The following CDC73 variants were observed in gnomAD, a reference collection of about 807,000 sequenced individuals.
CDC73 encodes cell division cycle 73.
A neutral mutation model predicts 83.7 loss-of-function variants in CDC73; 21 were observed. The observed-to-expected ratio is 0.25, with a 90% CI of 0.18 to 0.36. The LOEUF is 0.36. Among genes scored for constraint, CDC73 ranks in the 10% least tolerant of loss-of-function variants. The probability of loss-of-function intolerance (pLI) is 1.00; values close to 1 mark genes in which losing one functional copy is unlikely to be tolerated. For missense variants in CDC73, 342 were observed against 653.3 expected (o/e 0.52, Z 5.19); for synonymous variants, 224 against 212.9 (o/e 1.05, Z -0.45).
intron 10 of CDC73, among the ~76,000 whole-genome samples, chr1:193,191,412 C>T (rs1676915693): frequency 6.6e-6 from 1 of 152,028 alleles, no homozygotes; most frequent in Non-Finnish European, 1.5e-5. Flanking sequence ...TTTTTTGAGA[C>T]AGTCTCGCTC....
At chr1:193,192,209 G>A (rs1572188699) in intron 10 of CDC73, among the ~76,000 whole-genome samples, 3 of 152,230 alleles carry the variant, frequency 2.0e-5, no homozygotes, top group Admixed American at 6.5e-5. Flanking sequence ...TTGGGAGGCC[G>A]AGATGAGCGA....
chr1:193,204,375 C>T (rs1445914724), intron 11 of CDC73, among the ~76,000 whole-genome samples: 17 of 150,790 alleles, frequency 1.1e-4, no homozygotes, highest in African/African-American at 1.5e-4. Context: ...CTGCAAGCTC[C>T]GCCTCCTGGG....
intron 3 of CDC73, 36 bp from the exon 4 acceptor site, chr1:193,135,355 A>G (rs1397949667): frequency 6.6e-7 from 1 of 1,513,894 alleles, no homozygotes; most frequent in African/African-American, 1.4e-5. Context: ...ATATGTTGAA[A>G]TAGTAATCCT....
At chr1:193,212,000 G>A in intron 11 of CDC73, 65 bp from the exon 12 acceptor site, 7 of 1,245,386 alleles carry the variant, frequency 5.6e-6, no homozygotes, top group Non-Finnish European at 6.9e-6. Flanking sequence ...TCCCTTATTT[G>A]TAAGTTTGAA....
rs1364684520 is a variant in CDC73 at position 193,203,713 on chromosome 1, T to G, written c.973-82T>G. ...AAAAACAGAACAAGAGACAGAGAGA[T>G]ATGAGATTTCTTTGGAATAATTAAA... On this transcript the variant is annotated intron_variant, in intron 10 of 16. Coordinates refer to ENST00000367435, the MANE Select transcript of CDC73 (RefSeq NM_024529.5). The G allele has an allele frequency of 3.7e-6, 4 of 1,081,478 alleles. No individual in the cohort carries two copies. In the Admixed American group the frequency reaches 5.2e-5, roughly 14 times the overall value. The allele number at this position is 1,081,478 out of a possible 1,614,324, so 67.0% of individuals were successfully genotyped here. A position where few individuals can be genotyped will look rare whatever the true frequency, so the allele number is the denominator to read the frequency against.
intron 10 of CDC73, among the ~76,000 whole-genome samples, chr1:193,194,824 G>A (rs1676975209): frequency 6.6e-6 from 1 of 151,928 alleles, no homozygotes; most frequent in Non-Finnish European, 1.5e-5. Flanking sequence ...TATCTCTTTT[G>A]ATTCCAATTT....
intron 15 of CDC73, among the ~76,000 whole-genome samples, chr1:193,242,246 T>TAGG: frequency 6.6e-6 from 1 of 152,244 alleles, no homozygotes; most frequent in Middle Eastern, 3.4e-3. Context: ...AGGGCATGTG[T>TAGG]AGGACCCAAG....
intron 10 of CDC73, chr1:193,161,061 C>G (rs747598060): frequency 6.0e-6 from 1 of 167,936 alleles, no homozygotes; most frequent in Non-Finnish European, 1.3e-5. Context: ...ATCCCCTTTC[C>G]CCTCCCCCAT....
intron 7 of CDC73, among the ~76,000 whole-genome samples, chr1:193,146,150 A>G (rs1675996919): frequency 6.6e-6 from 1 of 152,176 alleles, no homozygotes; most frequent in African/African-American, 2.4e-5. Context: ...GGCAGCGACC[A>G]TGTCTTTTTT....
chr1:193,151,426 A>G (rs1333505551), intron 9 of CDC73, among the ~76,000 whole-genome samples: 1 of 152,202 alleles, frequency 6.6e-6, no homozygotes, highest in Admixed American at 6.5e-5. Flanking sequence ...CCCAAACTAA[A>G]TATCACCCTC....
chr1:193,191,589 T>C (rs1031687133), intron 10 of CDC73, among the ~76,000 whole-genome samples: 1 of 152,106 alleles, frequency 6.6e-6, no homozygotes, highest in Non-Finnish European at 1.5e-5. Context: ...GGTTTCGTCA[T>C]GTTGCAGGCT....
chr1:193,180,315 A>G (rs1421946849), intron 10 of CDC73: 1 of 1,581,924 alleles, frequency 6.3e-7, no homozygotes, highest in Non-Finnish European at 8.6e-7. Flanking sequence ...TACGGTGGCG[A>G]TACCTGCCTG....
intron 10 of CDC73, among the ~76,000 whole-genome samples, chr1:193,199,143 A>T (rs992954412): frequency 6.6e-6 from 1 of 152,186 alleles, no homozygotes; most frequent in Non-Finnish European, 1.5e-5. Context: ...AAGAAGTCTT[A>T]AAAAAATTGT....
chr1:193,166,704 T>A (rs149544546), intron 10 of CDC73, among the ~76,000 whole-genome samples: 24 of 151,304 alleles, frequency 1.6e-4, no homozygotes, highest in Admixed American at 3.3e-4. Context: ...TGGAGTACAG[T>A]GGAGCTATCT....
intron 13 of CDC73, among the ~76,000 whole-genome samples, chr1:193,215,377 C>T (rs1677349449): frequency 6.6e-6 from 1 of 152,008 alleles, no homozygotes; most frequent in Non-Finnish European, 1.5e-5. Flanking sequence ...ATAAAAGAAA[C>T]TTAAAGTCTA....
intron 13 of CDC73, among the ~76,000 whole-genome samples, chr1:193,227,864 G>T (rs577121522): frequency 6.6e-6 from 1 of 152,286 alleles, no homozygotes; most frequent in African/African-American, 2.4e-5. Flanking sequence ...ATAAAGTACT[G>T]TTGTTTGTTA....
At chr1:193,144,404 T>C (rs748952541) in intron 7 of CDC73, among the ~76,000 whole-genome samples, 10 of 152,036 alleles carry the variant, frequency 6.6e-5, no homozygotes, top group Non-Finnish European at 1.2e-4. Flanking sequence ...TTAATTCTTC[T>C]TTATTTTTAA....
chr1:193,190,591 C>G (rs1444516625), intron 10 of CDC73, among the ~76,000 whole-genome samples: 1 of 152,174 alleles, frequency 6.6e-6, no homozygotes, highest in Non-Finnish European at 1.5e-5. Context: ...CTTCAGTTTT[C>G]TTGTGCAGCA....
At chr1:193,227,154 G>C (rs1238637694) in intron 13 of CDC73, among the ~76,000 whole-genome samples, 1 of 151,956 alleles carries the variant, frequency 6.6e-6, no homozygotes, top group African/African-American at 2.4e-5. Flanking sequence ...GGTGGTGTCA[G>C]GTGTAATAGC....
Sources: allele counts gnomAD v4.1 joint callset (sites outside exome capture counted in the v4.1 genomes callset), GRCh38; gene constraint gnomAD v4.1.1; transcripts MANE v1.5; gene names NCBI Gene and HGNC (gene_info 2026-07-23, HGNC 2026-07-21).